The following AK8 variants were observed in gnomAD, a reference collection of about 807,000 sequenced individuals.
The protein encoded by AK8 is ATP-AMP transphosphorylase 8.
AK8 carries 44 observed loss-of-function variants against 54.6 expected under a neutral mutation model. The observed-to-expected ratio is 0.81, with a 90% confidence interval of 0.63 to 1.04. AK8 has a LOEUF of 1.04. Ranked by LOEUF, AK8 falls within the 50% of genes least tolerant of loss-of-function variation. The pLI, the probability that AK8 is intolerant of heterozygous loss-of-function variation, is 0.00. For missense variants in AK8, 555 were observed against 613.6 expected (o/e 0.90, Z 1.01); for synonymous variants, 239 against 245.6 (o/e 0.97, Z 0.25).
intron 9 of AK8, among the ~76,000 whole-genome samples, chr9:132,820,784 T>C (rs932045186): frequency 1.3e-5 from 2 of 152,322 alleles, no homozygotes; most frequent in African/African-American, 2.4e-5. Context: ...GATTCACAGA[T>C]GTGAAGATTA....
intron 3 of AK8, among the ~76,000 whole-genome samples, chr9:132,865,404 C>T (rs568696019): frequency 7.2e-5 from 11 of 152,310 alleles, no homozygotes; most frequent in African/African-American, 2.6e-4. Context: ...GTCCATGATA[C>T]ATGCTCACAG....
chr9:132,811,763 T>C (rs1841022005), intron 10 of AK8, among the ~76,000 whole-genome samples: 1 of 152,384 alleles, frequency 6.6e-6, no homozygotes, highest in African/African-American at 2.4e-5. Context: ...GACTCAGGCC[T>C]CAGGGTATCC....
At chr9:132,757,856 G>A (rs1322787826) in intron 11 of AK8, among the ~76,000 whole-genome samples, 1 of 152,118 alleles carries the variant, frequency 6.6e-6, no homozygotes, top group Non-Finnish European at 1.5e-5. Flanking sequence ...TGATCCTAAG[G>A]GAGGGAAAAA....
chr9:132,823,502 G>A (rs1405185788), intron 8 of AK8, among the ~76,000 whole-genome samples, 166 bp from the exon 9 acceptor site: 2 of 152,216 alleles, frequency 1.3e-5, no homozygotes, highest in African/African-American at 2.4e-5. Context: ...AAAGAATTAC[G>A]TGGCAGGCCT....
At chr9:132,822,486 G>A (rs1027686443) in intron 9 of AK8, among the ~76,000 whole-genome samples, 5 of 151,728 alleles carry the variant, frequency 3.3e-5, no homozygotes, top group African/African-American at 1.2e-4. Flanking sequence ...TGCAGGTCTC[G>A]TTTCCTTAGT....
intron 5 of AK8, among the ~76,000 whole-genome samples, chr9:132,836,098 G>C (rs1293765765): frequency 6.6e-6 from 1 of 152,112 alleles, no homozygotes; most frequent in Non-Finnish European, 1.5e-5. Flanking sequence ...ACTCTAGCCT[G>C]GGCAACAAGA....
intron 6 of AK8, 53 bp downstream of exon 6, chr9:132,828,592 C>T (rs1181219025): frequency 2.6e-6 from 4 of 1,536,590 alleles, no homozygotes; most frequent in Non-Finnish European, 3.6e-6. Flanking sequence ...GCTCACTGGC[C>T]ACCCCTTGGG....
At chr9:132,873,369 C>T (rs1220016660) in intron 2 of AK8, among the ~76,000 whole-genome samples, 2 of 152,134 alleles carry the variant, frequency 1.3e-5, no homozygotes, top group Non-Finnish European at 2.9e-5. Flanking sequence ...CCAAAGAGAG[C>T]CACGATCTCT....
At chr9:132,868,799 T>C (rs536793404) in intron 2 of AK8, among the ~76,000 whole-genome samples, 2 of 152,246 alleles carry the variant, frequency 1.3e-5, no homozygotes, top group African/African-American at 4.8e-5. Context: ...TTTGTCACCT[T>C]TGTCACCACC....
intron 11 of AK8, among the ~76,000 whole-genome samples, chr9:132,751,264 A>C (rs11243901): frequency 0.18 from 27,865 of 150,778 alleles, 3,162 homozygotes; most frequent in African/African-American, 0.26. Flanking sequence ...CACGCCTGTA[A>C]TCCCAGCTAC....
At chr9:132,777,358 G>T (rs1263735917) in intron 11 of AK8, among the ~76,000 whole-genome samples, 2 of 152,112 alleles carry the variant, frequency 1.3e-5, no homozygotes, top group African/African-American at 4.8e-5. Context: ...CACTGTCCCT[G>T]ATTTTTAGTC....
At chr9:132,784,182 G>A (rs571934104) in intron 11 of AK8, among the ~76,000 whole-genome samples, 3 of 152,326 alleles carry the variant, frequency 2.0e-5, no homozygotes, top group African/African-American at 7.2e-5. Context: ...GACACAGACA[G>A]AGGCAGAGAG....
intron 11 of AK8, among the ~76,000 whole-genome samples, chr9:132,760,057 A>G (rs1316480285): frequency 6.6e-6 from 1 of 152,226 alleles, no homozygotes; most frequent in Non-Finnish European, 1.5e-5. Flanking sequence ...ACCATGAACG[A>G]GACATTGCCT....
At chr9:132,760,916 C>T (rs942635644) in intron 11 of AK8, among the ~76,000 whole-genome samples, 1 of 152,096 alleles carries the variant, frequency 6.6e-6, no homozygotes, top group Non-Finnish European at 1.5e-5. Flanking sequence ...TACCCTAATA[C>T]ACAATTGGAT....
intron 11 of AK8, among the ~76,000 whole-genome samples, chr9:132,771,158 C>A (rs769780274): frequency 6.6e-6 from 1 of 152,214 alleles, no homozygotes; most frequent in Non-Finnish European, 1.5e-5. Flanking sequence ...CACTCAGCCT[C>A]TTGGAGCCTC....
intron 2 of AK8, among the ~76,000 whole-genome samples, chr9:132,870,910 G>A (rs1843798034): frequency 6.6e-6 from 1 of 152,240 alleles, no homozygotes; most frequent in South Asian, 2.1e-4. Context: ...GACACATGAG[G>A]ATTGGGCTTA....
chr9:132,742,149 C>T (rs1397693590), intron 11 of AK8, among the ~76,000 whole-genome samples: 1 of 151,424 alleles, frequency 6.6e-6, no homozygotes. Context: ...TTTATGCATC[C>T]ACGAGTTGAT....
At chr9:132,831,730 C>T (rs201249327) in intron 5 of AK8, among the ~76,000 whole-genome samples, 13 of 152,160 alleles carry the variant, frequency 8.5e-5, no homozygotes, top group Middle Eastern at 6.8e-3. Context: ...ACAGTGTGGG[C>T]GACTGTAAGA....
chr9:132,801,427 A>C (rs1840452843), intron 10 of AK8, among the ~76,000 whole-genome samples: 1 of 152,230 alleles, frequency 6.6e-6, no homozygotes, highest in African/African-American at 2.4e-5. Context: ...GGAATATGAA[A>C]GTATCTGGGA....
Sources: gnomAD v4.1 joint callset for allele counts (sites outside exome capture counted in the v4.1 genomes callset) on GRCh38, gnomAD v4.1.1 for gene constraint, MANE v1.5 for transcripts, NCBI Gene and HGNC (gene_info 2026-07-23, HGNC 2026-07-21) for gene names.